Variants in GLTP observed in about 807,000 individuals in gnomAD.
The protein encoded by GLTP is glycolipid transfer protein.
A neutral mutation model predicts 24.0 loss-of-function variants in GLTP; 22 were observed. The observed-to-expected ratio is 0.92, with a 90% CI of 0.65 to 1.31. The LOEUF (loss-of-function observed/expected upper bound fraction) is 1.31. Ranked by LOEUF, GLTP falls within the 50% of genes most tolerant of loss-of-function variation. The probability of loss-of-function intolerance (pLI) is 0.00; values close to 1 mark genes in which losing one functional copy is unlikely to be tolerated. For synonymous variants in GLTP, 92 were observed against 115.9 expected (o/e 0.79, Z 1.33); for missense variants, 224 against 276.6 (o/e 0.81, Z 1.35).
At chr12:109,877,129 C>T (rs974092217) in intron 1 of GLTP, among the ~76,000 whole-genome samples, 1 of 152,354 alleles carries the variant, frequency 6.6e-6, no homozygotes. Context: ...ACTGGGATTA[C>T]AGGCGTGAGC....
chr12:109,866,700 T>G (rs1293854015), intron 1 of GLTP, among the ~76,000 whole-genome samples: 1 of 151,756 alleles, frequency 6.6e-6, no homozygotes, highest in Non-Finnish European at 1.5e-5. Context: ...AAACCGTCAC[T>G]AAATGACTCT....
Position 109,857,862 on chromosome 12 carries a change from G to A in GLTP, c.163-203C>T. 1.7e-6 allele frequency: 1 copy of A among 594,174 alleles called. No individual in the cohort carries two copies. Among genetic ancestry groups the A allele is most frequent in the East Asian group, 2.9e-5 (1 of 34,446 alleles). 36.8% of individuals were successfully genotyped at this position (594,174 alleles called of 1,614,324 possible). On this transcript the variant is annotated intron_variant, in intron 2 of 4. Coordinates refer to ENST00000318348, the MANE Select transcript of GLTP (RefSeq NM_016433.4). This position sits in a 1 kb window ranked among gnomAD's most constrained non-coding sequence, Gnocchi z 4.3. ...ATGCTTTACAGGCACTACCTTATAT[G>A]ATCCTGGTGGCAAACCTGATGTTGC...
intron 1 of GLTP, among the ~76,000 whole-genome samples, chr12:109,876,379 G>C (rs1242271958): frequency 6.6e-6 from 1 of 152,066 alleles, no homozygotes; most frequent in Non-Finnish European, 1.5e-5. Context: ...GCTAAGCATG[G>C]TGGCACATGC....
rs374023673 is a variant in GLTP, at chr12:109,876,608, G to A, written c.103+3664C>T. 2.8e-4 allele frequency among the ~76,000 whole-genome samples: 41 copies of A among 145,608 alleles called. 1 individual carries two copies. In the East Asian group the frequency reaches 6.7e-3, roughly 24 times the overall value. On this transcript the variant is annotated intron_variant, in intron 1 of 4. Coordinates refer to ENST00000318348, the MANE Select transcript of GLTP (RefSeq NM_016433.4). ...AGGGAGGAAGAGAGGAAGGGAAGAA[G>A]GGAGGAAGGGAGGGGGAGGGAGGGA...
At chr12:109,875,461 C>A (rs1341947207) in intron 1 of GLTP, among the ~76,000 whole-genome samples, 1 of 152,168 alleles carries the variant, frequency 6.6e-6, no homozygotes, top group Non-Finnish European at 1.5e-5. Context: ...AAGGGAACCA[C>A]AGAGGCTTCT....
intron 1 of GLTP, among the ~76,000 whole-genome samples, chr12:109,867,782 T>C (rs997715300): frequency 1.1e-4 from 17 of 150,152 alleles, no homozygotes; most frequent in Admixed American, 2.0e-4. Flanking sequence ...TTTTCTCTTT[T>C]TTTTTTTTTT....
intron 1 of GLTP, chr12:109,866,222 A>G (rs1349850593): frequency 6.6e-6 from 1 of 152,196 alleles, no homozygotes; most frequent in Non-Finnish European, 1.5e-5. Context: ...TTAAAAAAAG[A>G]GTCTTGCTAT....
intron 4 of GLTP, among the ~76,000 whole-genome samples, chr12:109,853,803 C>T (rs953837155): frequency 1.3e-5 from 2 of 151,288 alleles, no homozygotes; most frequent in East Asian, 2.0e-4. Flanking sequence ...GAGTCAGTGG[C>T]GTGATCTTGG....
chr12:109,862,546 C>G (rs77388709), intron 1 of GLTP, among the ~76,000 whole-genome samples: 2,514 of 152,274 alleles, frequency 0.017, 38 homozygotes, highest in South Asian at 0.055. Context: ...AGACGTATGG[C>G]TGTTCCTCAG....
chr12:109,868,766 T>G (rs1868621848), intron 1 of GLTP, among the ~76,000 whole-genome samples: 1 of 152,070 alleles, frequency 6.6e-6, no homozygotes, highest in South Asian at 2.1e-4. Flanking sequence ...TGAGGCAGAT[T>G]AACTTTATAG....
Position 109,852,390 on chromosome 12 carries a change from A to AAAAG in GLTP, c.*164_*165insCTTT, listed in dbSNP as rs1171698255. Reference sequence around the variant, plus strand: ...GAATAGACCAAAAAAAAAAAAAAAAAAGACTTAAAAAACGAGGGCTGTCCC... The same window carrying AAAAG: ...GAATAGACCAAAAAAAAAAAAAAAAAAAAGAGACTTAAAAAACGAGGGCTGTCCC... On this transcript the variant is annotated 3_prime_UTR_variant, in exon 5 of 5. Coordinates refer to ENST00000318348, the MANE Select transcript of GLTP (RefSeq NM_016433.4). 6 of 545,702 alleles carry AAAAG rather than the reference A, an allele frequency of 1.1e-5. No individual in the cohort carries two copies. The highest frequency in any genetic ancestry group is 5.1e-4 in the Middle Eastern group (1 of 1,944). The allele number at this position is 545,702 out of a possible 1,614,324, so 33.8% of individuals were successfully genotyped here.
chr12:109,874,460 G>A (rs1868823190), intron 1 of GLTP, among the ~76,000 whole-genome samples: 1 of 152,084 alleles, frequency 6.6e-6, no homozygotes, highest in Non-Finnish European at 1.5e-5. Context: ...ATTTAATTAA[G>A]GTAAGAGGCA....
At position 109,880,194 on chromosome 12, in the gene GLTP, G is replaced by C. The variant is rs1869027663; in HGVS notation, c.103+78C>G. The C allele has an allele frequency of 2.4e-6, 2 of 835,638 alleles. No individual in the cohort carries two copies. The highest frequency in any genetic ancestry group is 1.7e-5 in the African/African-American group (1 of 58,550). The allele number at this position is 835,638 out of a possible 1,614,324, so 51.8% of individuals were successfully genotyped here. A position where few individuals can be genotyped will look rare whatever the true frequency, so the allele number is the denominator to read the frequency against. On this transcript the variant is annotated intron_variant, in intron 1 of 4. Transcript: ENST00000318348. The surrounding 1 kb of genome is among the most constrained non-coding windows in gnomAD (Gnocchi z 5.1). ...CTTAGGGGTGTCTAGGGCAGAGATG[G>C]TTAGGGGATGCTCGGGGGAAGGAGG... is the stretch of plus-strand genomic sequence containing the variant.
chr12:109,880,212 G>T lies in GLTP; in HGVS notation c.103+60C>A. 1 of 992,100 alleles carries T rather than the reference G, an allele frequency of 1.0e-6. No individual in the cohort carries two copies. 61.5% of individuals were successfully genotyped at this position (992,100 alleles called of 1,614,324 possible). ...AGAGATGGTTAGGGGATGCTCGGGG[G>T]AAGGAGGATTCGGGTGCGCGTGGGG... On this transcript the variant is annotated intron_variant, in intron 1 of 4. Coordinates refer to ENST00000318348, the MANE Select transcript of GLTP (RefSeq NM_016433.4). This position sits in a 1 kb window ranked among gnomAD's most constrained non-coding sequence, Gnocchi z 5.1.
At chr12:109,876,497 GA>G in intron 1 of GLTP, among the ~76,000 whole-genome samples, 1 of 147,542 alleles carries the variant, frequency 6.8e-6, no homozygotes, top group East Asian at 2.0e-4. Flanking sequence ...CAGAAAGAAA[GA>G]AAAACAGAGA....
intron 1 of GLTP, among the ~76,000 whole-genome samples, chr12:109,866,723 T>G (rs1375017307): frequency 6.6e-6 from 1 of 151,740 alleles, no homozygotes; most frequent in Non-Finnish European, 1.5e-5. Flanking sequence ...ATGGTGTGCC[T>G]TTAGGCTTTT....
At chr12:109,871,216 G>A (rs1475435778) in intron 1 of GLTP, among the ~76,000 whole-genome samples, 1 of 151,224 alleles carries the variant, frequency 6.6e-6, no homozygotes, top group Non-Finnish European at 1.5e-5. Flanking sequence ...CAGAGTAGCT[G>A]GGATTACAGG....
intron 1 of GLTP, among the ~76,000 whole-genome samples, chr12:109,872,354 C>T (rs1292826758): frequency 2.0e-5 from 3 of 152,082 alleles, no homozygotes; most frequent in African/African-American, 4.8e-5. Context: ...GAAGCCACCT[C>T]GGGGCCTCTC....
intron 2 of GLTP, 131 bp downstream of exon 2, chr12:109,858,551 GC>G (rs2136043735): frequency 1.4e-6 from 1 of 720,318 alleles, no homozygotes; most frequent in Non-Finnish European, 2.5e-6. Flanking sequence ...CAAGCTTGGG[GC>G]CCATCTTCCA....
Sources: gnomAD v4.1 joint callset for allele counts (sites outside exome capture counted in the v4.1 genomes callset) on GRCh38, gnomAD v4.1.1 for gene constraint, Gnocchi (gnomAD v3.1) non-coding constraint, MANE v1.5 for transcripts, NCBI Gene and HGNC (gene_info 2026-07-23, HGNC 2026-07-21) for gene names.